Variants in TBC1D10B observed in about 807,000 individuals in gnomAD.
TBC1D10B encodes the protein Rab27A-GAPbeta.
A neutral mutation model predicts 78.4 loss-of-function variants in TBC1D10B; 25 were observed. The ratio of observed to expected loss-of-function variants is 0.32; its 90% CI spans 0.23 to 0.45. The LOEUF (loss-of-function observed/expected upper bound fraction) is 0.45, where lower values mean the gene tolerates loss of function less well. Among genes scored for constraint, TBC1D10B ranks in the 20% least tolerant of loss-of-function variants. The probability of loss-of-function intolerance (pLI) is 1.00; values close to 1 mark genes in which losing one functional copy is unlikely to be tolerated. For synonymous variants in TBC1D10B, 517 were observed against 478.0 expected, an observed-to-expected ratio of 1.08 and a Z score of -1.06; for missense variants, 996 against 1,104.8, an observed-to-expected ratio of 0.90 and a Z score of 1.40.
At position 30,369,987 on chromosome 16, in the gene TBC1D10B, G is replaced by A. The variant is rs1455534370; in HGVS notation, c.197C>T (p.Ser66Leu). The A allele has an allele frequency of 2.4e-6, 3 of 1,236,848 alleles. No homozygotes were observed. Among genetic ancestry groups the A allele is most frequent in the East Asian group, 3.2e-5 (1 of 31,684 alleles). 76.6% of individuals were successfully genotyped at this position (1,236,848 alleles called of 1,614,324 possible). Residue 66 changes from serine (S) to leucine (L), a missense_variant, in exon 1 of 9, where the codon TCG (serine) becomes TTG (leucine). Ser to Leu is a moderately radical substitution (Grantham distance 145). This residue lies in a region of TBC1D10B where 448 missense variants were observed against 442.1 expected (regional missense o/e 1.01). Coordinates refer to ENST00000409939, the MANE Select transcript of TBC1D10B (RefSeq NM_015527.4). The surrounding 1 kb of genome is among the most constrained non-coding windows in gnomAD (Gnocchi z 4.3). ...GEARPAWVPG[S>L]AETSAPAPAP... ...CGGGGCCGGAGCAGAGGTCTCGGCC[G>A]ACCCCGGGACCCAGGCGGGCCGCGC...
Position 30,369,974 on chromosome 16 carries a change from A to G in TBC1D10B, c.210T>C (p.Ser70=). 1 of 1,275,874 alleles carries G rather than the reference A, an allele frequency of 7.8e-7. No individual in the cohort carries two copies. The highest frequency in any genetic ancestry group is 9.9e-7 in the Non-Finnish European group (1 of 1,013,048). The allele number at this position is 1,275,874 out of a possible 1,614,324, so 79.0% of individuals were successfully genotyped here. The change falls in exon 1 of 9, where the codon TCT becomes TCC. Residue 70 remains serine, a synonymous_variant. Transcript: ENST00000409939. This position sits in a 1 kb window ranked among gnomAD's most constrained non-coding sequence, Gnocchi z 4.3. ...PAWVPGSAET[S]APAPAPAPAP... is the part of the protein sequence containing the mutation. Reference sequence around the variant, plus strand: ...CCGGGGCTGGGGCCGGGGCCGGAGCAGAGGTCTCGGCCGACCCCGGGACCC... The same window carrying G: ...CCGGGGCTGGGGCCGGGGCCGGAGCGGAGGTCTCGGCCGACCCCGGGACCC...
chr16:30,358,723 G>C lies in TBC1D10B; in HGVS notation c.1737C>G (p.Thr579=). The C allele has an allele frequency of 6.2e-7, 1 of 1,610,894 alleles. No homozygotes were observed. Residue 579 remains threonine (T), a synonymous_variant, in exon 8 of 9, where the codon ACC becomes ACG. Coordinates refer to ENST00000409939, the MANE Select transcript of TBC1D10B (RefSeq NM_015527.4). ...KLRSCQGMYE[T]MEQLRNLPQQ... ...GGGGCAGGTTACGCAGCTGCTCCAT[G>C]GTCTCATACATGCCTTGGCAGGAGC...
At chr16:30,361,939 C>T (rs528161654) in intron 4 of TBC1D10B, among the ~76,000 whole-genome samples, 14 of 152,006 alleles carry the variant, frequency 9.2e-5, no homozygotes, top group African/African-American at 3.1e-4. Flanking sequence ...CTCTGCCTCC[C>T]GGGTTCACAC....
At chr16:30,360,285 T>G in intron 4 of TBC1D10B, 1 of 171,414 alleles carries the variant, frequency 5.8e-6, no homozygotes, top group South Asian at 1.3e-4. Context: ...CTCAGCCCTT[T>G]CTCCTGTCTC....
rs1596988555 is a variant in TBC1D10B at position 30,365,618 on chromosome 16, A to C, written c.957-24T>G. The C allele has an allele frequency of 8.7e-6, 14 of 1,609,632 alleles. No individual in the cohort carries two copies. In the East Asian group the frequency reaches 2.5e-4, roughly 28 times the overall value. Reference sequence around the variant, plus strand: ...CTCTGCAGGGTCGGGGGAGCACGGAAGGGGTCAGTAGCAATAGTGTAAAAC... The same window carrying C: ...CTCTGCAGGGTCGGGGGAGCACGGACGGGGTCAGTAGCAATAGTGTAAAAC... On this transcript the variant is annotated intron_variant, in intron 1 of 8. Coordinates refer to ENST00000409939, the MANE Select transcript of TBC1D10B (RefSeq NM_015527.4). This position sits in a 1 kb window ranked among gnomAD's most constrained non-coding sequence, Gnocchi z 5.0.
rs2049665645 is a variant in TBC1D10B at position 30,369,442 on chromosome 16, A to T, written c.742T>A (p.Ser248Thr). 6.4e-7 allele frequency: 1 copy of T among 1,556,630 alleles called. No homozygotes were observed. The highest frequency in any genetic ancestry group is 1.2e-5 in the South Asian group (1 of 84,502). Residue 248 changes from serine (S) to threonine (T), a missense_variant, in exon 1 of 9, where the codon TCC (serine) becomes ACC (threonine). Transcript: ENST00000409939. The surrounding 1 kb of genome is among the most constrained non-coding windows in gnomAD (Gnocchi z 4.3). ...EPAENSQDLGSTSSLGPGISG... is the reference protein window; with the variant it reads ...EPAENSQDLGTTSSLGPGISG... ...ATGCCAGGTCCCAGGCTGGACGTGG[A>T]GCCCAGGTCTTGAGAGTTTTCAGCA...
Position 30,358,283 on chromosome 16 carries a change from G to A in TBC1D10B, c.2088C>T (p.Val696=). ...ASAGPAPGPV[V]TAEGLHPSLP... is the part of the protein sequence containing the mutation. ...GGGATGGATGCAGTCCCTCAGCAGT[G>A]ACCACAGGCCCTGGGGCAGGCCCAG... Residue 696 remains valine (V), a synonymous_variant, in exon 9 of 9, where the codon GTC becomes GTT. Transcript: ENST00000409939. The A allele has an allele frequency of 6.3e-7, 1 of 1,584,382 alleles. No individual in the cohort carries two copies. The highest frequency in any genetic ancestry group is 8.6e-7 in the Non-Finnish European group (1 of 1,165,418).
rs995495822 is a variant in TBC1D10B at position 30,369,962 on chromosome 16, C to G, written c.222G>C (p.Pro74=). The change falls in exon 1 of 9, where the codon CCG becomes CCC. Residue 74 remains proline, a synonymous_variant. Coordinates refer to ENST00000409939, the MANE Select transcript of TBC1D10B (RefSeq NM_015527.4). This position sits in a 1 kb window ranked among gnomAD's most constrained non-coding sequence, Gnocchi z 4.3. ...CCGGGGCTGGGGCCGGGGCTGGGGC[C>G]GGGGCCGGAGCAGAGGTCTCGGCCG... ...PGSAETSAPA[P]APAPAPAPAV... The G allele has an allele frequency of 6.3e-6, 8 of 1,279,206 alleles. No individual in the cohort carries two copies. Among genetic ancestry groups the G allele is most frequent in the Non-Finnish European group, 7.9e-6 (8 of 1,014,692 alleles). 79.2% of individuals were successfully genotyped at this position (1,279,206 alleles called of 1,614,324 possible). A position where few individuals can be genotyped will look rare whatever the true frequency, so the allele number is the denominator to read the frequency against.
chr16:30,358,065 T>C lies in TBC1D10B; in HGVS notation c.2306A>G (p.Lys769Arg). The change falls in exon 9 of 9, where the codon AAG (lysine) becomes AGG (arginine). Residue 769 changes from lysine (K) to arginine (R), a missense_variant. Lys to Arg is a conservative substitution (Grantham distance 26). Around this residue, in one of 5 missense-constraint regions of TBC1D10B, gnomAD observed 285 missense variants for 252.5 expected, o/e 1.13. Transcript: ENST00000409939. ...EREKQEKERQ[K>R]QEKKAQGRKL... ...CCGGCCTTGAGCCTTCTTCTCCTGC[T>C]TCTGCCGCTCCTTCTCCTGCTTCTC... The C allele has an allele frequency of 6.4e-7, 1 of 1,551,860 alleles. No homozygotes were observed. The highest frequency in any genetic ancestry group is 1.2e-5 in the South Asian group (1 of 84,036).
At chr16:30,361,287 T>A (rs1392262750) in intron 4 of TBC1D10B, among the ~76,000 whole-genome samples, 1 of 152,064 alleles carries the variant, frequency 6.6e-6, no homozygotes, top group Non-Finnish European at 1.5e-5. Flanking sequence ...TCAAGCTCTG[T>A]CTCAAAACAA....
At chr16:30,363,494 G>C (rs987947414) in intron 4 of TBC1D10B, among the ~76,000 whole-genome samples, 2 of 152,030 alleles carry the variant, frequency 1.3e-5, no homozygotes, top group Non-Finnish European at 2.9e-5. Context: ...AGTGGCTCAC[G>C]CCTGTAATCC....
At chr16:30,360,661 T>C (rs989440073) in intron 4 of TBC1D10B, among the ~76,000 whole-genome samples, 1 of 152,208 alleles carries the variant, frequency 6.6e-6, no homozygotes, top group African/African-American at 2.4e-5. Flanking sequence ...TTGACATTTT[T>C]TCTCCACTTT....
intron 4 of TBC1D10B, among the ~76,000 whole-genome samples, chr16:30,361,667 A>T (rs2049599403): frequency 6.7e-6 from 1 of 150,016 alleles, no homozygotes; most frequent in African/African-American, 2.5e-5. Flanking sequence ...AGCCTCCCAA[A>T]GTGCTGGGAT....
At chr16:30,359,012 G>A in intron 7 of TBC1D10B, 160 bp downstream of exon 7, 1 of 1,222,618 alleles carries the variant, frequency 8.2e-7, no homozygotes, top group Non-Finnish European at 1.1e-6. Context: ...GTTGGTGGCA[G>A]AACTAAAATC....
At position 30,369,030 on chromosome 16, in the gene TBC1D10B, G is replaced by A. The variant is rs1459901919; in HGVS notation, c.956+198C>T. ...CTTAAACCCAGACCTCTTGACCCCTGGTCTGAAACTCCACTAACATGCCAA... is the reference window on the plus strand; with the variant it reads ...CTTAAACCCAGACCTCTTGACCCCTAGTCTGAAACTCCACTAACATGCCAA... On this transcript the variant is annotated intron_variant, in intron 1 of 8. Transcript: ENST00000409939. The surrounding 1 kb of genome is among the most constrained non-coding windows in gnomAD (Gnocchi z 4.3). Among the ~76,000 whole-genome samples, 2 of 152,200 alleles carry A rather than the reference G, an allele frequency of 1.3e-5. No homozygotes were observed. Among genetic ancestry groups the A allele is most frequent in the Non-Finnish European group, 2.9e-5 (2 of 68,028 alleles).
intron 4 of TBC1D10B, among the ~76,000 whole-genome samples, chr16:30,362,186 T>C (rs377689490): frequency 1.3e-5 from 2 of 152,002 alleles, no homozygotes; most frequent in Non-Finnish European, 1.5e-5. Flanking sequence ...GGTTTCACCA[T>C]GTTGGCCAGG....
Position 30,364,905 on chromosome 16 carries a change from C to A in TBC1D10B, c.1266G>T (p.Gly422=). The change falls in exon 4 of 9, where the codon GGG becomes GGT. Residue 422 remains glycine (G), a synonymous_variant. Transcript: ENST00000409939. ...CCATGGTCCGGCCACCTTACCCATG[C>A]CCCCCTCGAGCAGCAAACATCTCGT... is the stretch of plus-strand genomic sequence containing the variant. ...PFHEMFAARG[G]HGQQDLYRIL... is the part of the protein sequence containing the mutation. The A allele has an allele frequency of 6.2e-7, 1 of 1,608,404 alleles. No individual in the cohort carries two copies. Among genetic ancestry groups the A allele is most frequent in the South Asian group, 1.1e-5 (1 of 89,808 alleles).
At chr16:30,367,414 G>A (rs1381612535) in intron 1 of TBC1D10B, 3 of 152,198 alleles carry the variant, frequency 2.0e-5, no homozygotes, top group South Asian at 4.1e-4. Context: ...GGGCTGGGAA[G>A]AGTAAGATAC....
chr16:30,365,421 T>C lies in TBC1D10B; in HGVS notation c.1056+74A>G. ...GTCCAGAGGGCAGATATTATCGGCTTCCTGGGCTTCCCTGGAGCACATGCT... is the reference window on the plus strand; with the variant it reads ...GTCCAGAGGGCAGATATTATCGGCTCCCTGGGCTTCCCTGGAGCACATGCT... On this transcript the variant is annotated intron_variant, in intron 2 of 8. Transcript: ENST00000409939. This position sits in a 1 kb window ranked among gnomAD's most constrained non-coding sequence, Gnocchi z 5.0. 1 of 1,559,028 alleles carries C rather than the reference T, an allele frequency of 6.4e-7. No homozygotes were observed. Among genetic ancestry groups the C allele is most frequent in the Non-Finnish European group, 8.8e-7 (1 of 1,130,322 alleles).
Sources: gnomAD v4.1 joint callset for allele counts (sites outside exome capture counted in the v4.1 genomes callset) on GRCh38, gnomAD v4.1.1 for gene constraint, gnomAD v4.1.1 regional missense constraint, Gnocchi (gnomAD v3.1) non-coding constraint, MANE v1.5 for transcripts, NCBI Gene and HGNC (gene_info 2026-07-23, HGNC 2026-07-21) for gene names.